FRMPD4: variants seen among roughly 807,000 people sequenced by gnomAD.
The protein encoded by FRMPD4 is FERM and PDZ domain containing 4.
In FRMPD4, 22 loss-of-function variants were observed where a neutral mutation model predicts 94.1. The ratio of observed to expected loss-of-function variants is 0.23; its 90% CI spans 0.17 to 0.33. FRMPD4 has a LOEUF of 0.33. Ranked by LOEUF, FRMPD4 falls within the 10% of genes least tolerant of loss-of-function variation. The pLI is 1.00. For missense variants in FRMPD4, 1,111 were observed against 1,339.9 expected (o/e 0.83, Z 2.67); for synonymous variants, 631 against 548.6 (o/e 1.15, Z -2.10).
intron 1 of FRMPD4, among the ~76,000 whole-genome samples, chrX:12,321,763 A>C (rs1267016977): frequency 1.8e-5 from 2 of 112,073 alleles, no homozygotes; most frequent in Non-Finnish European, 3.8e-5. Flanking sequence ...AGCAGGAACC[A>C]ACTAAGTAAG....
chrX:12,370,434 T>C (rs964553784), intron 1 of FRMPD4, among the ~76,000 whole-genome samples: 2 of 112,600 alleles, frequency 1.8e-5, no homozygotes, highest in South Asian at 7.4e-4. Flanking sequence ...GAGGCTCACG[T>C]CATTACTGTC....
intron 2 of FRMPD4, among the ~76,000 whole-genome samples, chrX:12,547,361 G>C (rs1383013051): frequency 7.1e-5 from 8 of 111,933 alleles, no homozygotes; most frequent in African/African-American, 2.6e-4. Context: ...GCAAACCATA[G>C]CCCATCACCT....
intron 2 of FRMPD4, among the ~76,000 whole-genome samples, chrX:12,525,047 C>G (rs2058207820): frequency 9.0e-6 from 1 of 111,209 alleles, no homozygotes; most frequent in African/African-American, 3.3e-5. Flanking sequence ...TCCAATGTGA[C>G]CCAAGGAAGC....
chrX:12,459,208 G>A (rs951869679), intron 1 of FRMPD4, among the ~76,000 whole-genome samples: 1 of 101,323 alleles, frequency 9.9e-6, no homozygotes, highest in Non-Finnish European at 2.1e-5. Context: ...TTTCTCCCAG[G>A]ATCCTTTTTT....
At chrX:12,331,754 A>G (rs1312617316) in intron 1 of FRMPD4, among the ~76,000 whole-genome samples, 7 of 63,258 alleles carry the variant, frequency 1.1e-4, no homozygotes, top group Non-Finnish European at 1.8e-4. Flanking sequence ...ATATATTTAT[A>G]TACTATATAT....
intron 3 of FRMPD4, among the ~76,000 whole-genome samples, chrX:12,114,150 T>A (rs777967915): frequency 9.0e-5 from 10 of 111,242 alleles, no homozygotes; most frequent in Non-Finnish European, 1.7e-4. Context: ...TCCTATAGCC[T>A]ATTATATGCT....
intron 2 of FRMPD4, among the ~76,000 whole-genome samples, chrX:12,604,329 G>GA (rs1363124767): frequency 1.8e-5 from 2 of 111,840 alleles, no homozygotes; most frequent in Non-Finnish European, 3.8e-5. Flanking sequence ...ACATGGTTGA[G>GA]AAAAAACATA....
chrX:12,087,359 A>G (rs1161724028), intron 3 of FRMPD4, among the ~76,000 whole-genome samples: 1 of 111,928 alleles, frequency 8.9e-6, no homozygotes, highest in Non-Finnish European at 1.9e-5. Context: ...AATCAGGCTC[A>G]ATTCCTTCCT....
chrX:11,971,391 T>G (rs746181478), intron 3 of FRMPD4, among the ~76,000 whole-genome samples: 15 of 113,013 alleles, frequency 1.3e-4, no homozygotes, highest in Non-Finnish European at 1.5e-4. Flanking sequence ...ATTATTTATG[T>G]GAAAACACAT....
chrX:12,067,816 T>G (rs188430586), intron 3 of FRMPD4, among the ~76,000 whole-genome samples: 1 of 112,421 alleles, frequency 8.9e-6, no homozygotes, highest in East Asian at 2.8e-4. Flanking sequence ...GTATAGTACA[T>G]CTTTTCCCCT....
chrX:12,481,994 A>C (rs1488517672), intron 1 of FRMPD4, among the ~76,000 whole-genome samples: 1 of 102,310 alleles, frequency 9.8e-6, no homozygotes, highest in Non-Finnish European at 2.0e-5. Flanking sequence ...GGATAATCGT[A>C]AGGAAGAGAA....
intron 1 of FRMPD4, among the ~76,000 whole-genome samples, chrX:12,419,389 T>C (rs1168514103): frequency 8.9e-6 from 1 of 112,655 alleles, no homozygotes; most frequent in African/African-American, 3.2e-5. Flanking sequence ...ATGCTGTTCT[T>C]CTCACCAAAT....
chrX:12,701,427 A>G (rs1453317563), intron 9 of FRMPD4, among the ~76,000 whole-genome samples: 1 of 110,652 alleles, frequency 9.0e-6, no homozygotes, highest in Non-Finnish European at 1.9e-5. Context: ...CAATTTACAG[A>G]AGAGAAAACT....
chrX:12,207,194 A>G (rs907813573), intron 1 of FRMPD4, among the ~76,000 whole-genome samples: 2 of 111,956 alleles, frequency 1.8e-5, no homozygotes, highest in African/African-American at 6.5e-5. Flanking sequence ...ATAATGCCAT[A>G]TGCAGAGATA....
In FRMPD4 at chrX:12,270,264, G is replaced by GAA. The variant is rs34707309; in HGVS notation, c.41+131260_41+131261dup. ...CATGCCAAATACCATTGTCTTTTTTGAAAAAAAAATGCTTTTAAAAATGTT... is the reference window on the plus strand; with the variant it reads ...CATGCCAAATACCATTGTCTTTTTTGAAAAAAAAAAATGCTTTTAAAAATGTT... On this transcript the variant is annotated intron_variant, in intron 1 of 16. Coordinates refer to ENST00000675598, the MANE Select transcript of FRMPD4 (RefSeq NM_001368397.1). Among the ~76,000 whole-genome samples, 824 of 106,883 alleles carry GAA rather than the reference G, an allele frequency of 7.7e-3. 3 individuals carry two copies. Among genetic ancestry groups the GAA allele is most frequent in the Non-Finnish European group, 0.011 (561 of 51,777 alleles). The allele number at this position is 106,883 out of a possible 115,157, so 92.8% of individuals were successfully genotyped here.
chrX:12,518,906 A>T (rs1434145902), intron 2 of FRMPD4, among the ~76,000 whole-genome samples: 1 of 112,257 alleles, frequency 8.9e-6, no homozygotes, highest in Non-Finnish European at 1.9e-5. Flanking sequence ...TGCATCTCAA[A>T]AGGAATAATC....
chrX:11,951,577 G>T (rs1569131395), intron 3 of FRMPD4, among the ~76,000 whole-genome samples: 2 of 111,469 alleles, frequency 1.8e-5, no homozygotes, highest in Non-Finnish European at 3.8e-5. Flanking sequence ...AACAACAGAC[G>T]CTGGGGCCTA....
chrX:12,199,365 T>G (rs775409697), intron 1 of FRMPD4, among the ~76,000 whole-genome samples: 74 of 109,597 alleles, frequency 6.8e-4, no homozygotes, highest in African/African-American at 2.4e-3. Context: ...CTTTCCATTC[T>G]GAGACCCTTT....
intron 1 of FRMPD4, among the ~76,000 whole-genome samples, chrX:12,251,222 G>A (rs778547954): frequency 1.1e-4 from 12 of 111,613 alleles, no homozygotes; most frequent in African/African-American, 3.9e-4. Flanking sequence ...CAGGTAGGGC[G>A]GACAATGTCA....
Sources: gnomAD v4.1 joint callset for allele counts (sites outside exome capture counted in the v4.1 genomes callset) on GRCh38, gnomAD v4.1.1 for gene constraint, MANE v1.5 for transcripts, NCBI Gene and HGNC (gene_info 2026-07-23, HGNC 2026-07-21) for gene names.